YTHDF1: variants seen among roughly 807,000 people sequenced by gnomAD.
YTHDF1 encodes the protein YTH domain-containing family protein 1.
A neutral mutation model predicts 49.1 loss-of-function variants in YTHDF1; 16 were observed. That is an observed-to-expected ratio of 0.33 (90% CI 0.22 to 0.49). The LOEUF (loss-of-function observed/expected upper bound fraction) is 0.49. Ranked by LOEUF, YTHDF1 falls within the 20% of genes least tolerant of loss-of-function variation. The probability of loss-of-function intolerance (pLI) is 0.99; values close to 1 mark genes in which losing one functional copy is unlikely to be tolerated. For missense variants in YTHDF1, 621 were observed against 744.3 expected (o/e 0.83, Z 1.93); for synonymous variants, 313 against 290.1 (o/e 1.08, Z -0.80).
intron 3 of YTHDF1, among the ~76,000 whole-genome samples, chr20:63,211,958 A>AAC (rs2066576267): frequency 2.3e-5 from 2 of 88,412 alleles, no homozygotes; most frequent in South Asian, 4.1e-4. Context: ...CTGTCTCCAA[A>AAC]ATACACACAC....
At chr20:63,199,525 A>C (rs1022877596) in intron 4 of YTHDF1, among the ~76,000 whole-genome samples, 7 of 151,846 alleles carry the variant, frequency 4.6e-5, no homozygotes, top group Non-Finnish European at 7.4e-5. Context: ...TCTTAAAAAA[A>C]AAAAAAACAA....
Position 63,213,760 on chromosome 20 carries a change from C to A in YTHDF1, c.132+104G>T. 4 of 1,042,098 alleles carry A rather than the reference C, an allele frequency of 3.8e-6. No homozygotes were observed. In the South Asian group the frequency reaches 4.7e-5, roughly 12 times the overall value. The allele number at this position is 1,042,098 out of a possible 1,614,324, so 64.6% of individuals were successfully genotyped here. A position where few individuals can be genotyped will look rare whatever the true frequency, so the allele number is the denominator to read the frequency against. On this transcript the variant is annotated intron_variant, in intron 3 of 4. Transcript: ENST00000370339. ...ATCATTCCTAATACTTTATAGTCTG[C>A]TGCTTTGTTGTTTAGGATAATTTAA...
rs1426986754 is a variant in YTHDF1, at chr20:63,203,211, T to C, written c.729A>G (p.Lys243=). 2 of 1,614,008 alleles carry C rather than the reference T, an allele frequency of 1.2e-6. No individual in the cohort carries two copies. The highest frequency in any genetic ancestry group is 1.7e-6 in the Non-Finnish European group (2 of 1,180,036). ...SWAAIASKPA[K]PQPKMKTKSG... is the part of the protein sequence containing the mutation. ...TCTTTGTTTTCATTTTAGGCTGTGG[T>C]TTTGCAGGCTTGCTGGCAATGGCAG... The change falls in exon 4 of 5, where the codon AAA becomes AAG. Residue 243 remains lysine, a synonymous_variant. Transcript: ENST00000370339. The surrounding 1 kb of genome is among the most constrained non-coding windows in gnomAD (Gnocchi z 4.4).
chr20:63,215,283 C>T (rs910381103), intron 2 of YTHDF1, among the ~76,000 whole-genome samples: 8 of 152,196 alleles, frequency 5.3e-5, no homozygotes, highest in East Asian at 1.9e-4. Context: ...TCGCTCAACC[C>T]CTGCGGCCAT....
intron 3 of YTHDF1, among the ~76,000 whole-genome samples, chr20:63,207,587 A>C (rs1360251386): frequency 6.6e-6 from 1 of 152,132 alleles, no homozygotes; most frequent in African/African-American, 2.4e-5. Flanking sequence ...TTTTAAGGAC[A>C]ATACAAGCAA....
intron 3 of YTHDF1, among the ~76,000 whole-genome samples, chr20:63,204,117 C>T (rs2066533458): frequency 6.6e-6 from 1 of 152,214 alleles, no homozygotes; most frequent in Non-Finnish European, 1.5e-5. Flanking sequence ...CTCTTACCTG[C>T]AAAGGAATCC....
At chr20:63,198,755 C>G (rs1568989910) in intron 4 of YTHDF1, among the ~76,000 whole-genome samples, 1 of 152,254 alleles carries the variant, frequency 6.6e-6, no homozygotes, top group East Asian at 1.9e-4. Flanking sequence ...GTCAAAGAGC[C>G]ACTCTGCTGA....
Position 63,196,476 on chromosome 20 carries a change from A to G in YTHDF1, c.*232T>C. 1 of 444,606 alleles carries G rather than the reference A, an allele frequency of 2.2e-6. No homozygotes were observed. Among genetic ancestry groups the G allele is most frequent in the Non-Finnish European group, 4.0e-6 (1 of 248,840 alleles). The allele number at this position is 444,606 out of a possible 1,614,324, so 27.5% of individuals were successfully genotyped here. A position where few individuals can be genotyped will look rare whatever the true frequency, so the allele number is the denominator to read the frequency against. On this transcript the variant is annotated 3_prime_UTR_variant, in exon 5 of 5. Transcript: ENST00000370339. Reference sequence around the variant, plus strand: ...TTACATTTCACATTAGATCAGTCTGATTGATAAGCTGACAAAAAAAATACT... The same window carrying G: ...TTACATTTCACATTAGATCAGTCTGGTTGATAAGCTGACAAAAAAAATACT...
At chr20:63,197,434 T>C (rs2066497123) in intron 4 of YTHDF1, among the ~76,000 whole-genome samples, 1 of 152,206 alleles carries the variant, frequency 6.6e-6, no homozygotes, top group Non-Finnish European at 1.5e-5. Flanking sequence ...AGAGTGTATG[T>C]GACACACAAG....
intron 2 of YTHDF1, chr20:63,214,260 G>T: frequency 2.5e-6 from 1 of 395,956 alleles, no homozygotes; most frequent in East Asian, 1.6e-4. Context: ...GAAGACTTAT[G>T]TGTGGCAAAA....
intron 3 of YTHDF1, among the ~76,000 whole-genome samples, chr20:63,205,647 T>C (rs1436222419): frequency 6.6e-6 from 1 of 152,086 alleles, no homozygotes; most frequent in Non-Finnish European, 1.5e-5. Context: ...TAGCTGGGAT[T>C]ACAGACACCC....
chr20:63,202,614 C>G lies in YTHDF1; in HGVS notation c.1326G>C (p.Gly442=), dbSNP rs1419542415. ...GPVYLLFSVN[G]SGHFCGVAEM... ...CGGCCACCCCACAAAAATGCCCACT[C>G]CCATTGACGCTGAAGAGCAGGTAGA... The change falls in exon 4 of 5, where the codon GGG becomes GGC. Residue 442 remains glycine, a synonymous_variant. Transcript: ENST00000370339. 1 of 1,614,044 alleles carries G rather than the reference C, an allele frequency of 6.2e-7. No individual in the cohort carries two copies. The highest frequency in any genetic ancestry group is 8.5e-7 in the Non-Finnish European group (1 of 1,180,044).
Position 63,202,692 on chromosome 20 carries a change from G to A in YTHDF1, c.1248C>T (p.His416=), listed in dbSNP as rs768140726. 1.6e-5 allele frequency: 26 copies of A among 1,613,934 alleles called. No homozygotes were observed. The highest frequency in any genetic ancestry group is 6.7e-5 in the African/African-American group (5 of 74,946). Residue 416 remains histidine, a synonymous_variant, in exon 4 of 5, where the codon CAC becomes CAT. Coordinates refer to ENST00000370339, the MANE Select transcript of YTHDF1 (RefSeq NM_017798.4). ...IKYSIWCSTE[H]GNKRLDSAFR... The stretch of plus-strand genomic sequence containing the variant: ...AGGCGCTGTCCAGGCGCTTGTTGCC[G>A]TGCTCTGTGCTACACCAGATGGAGT...
chr20:63,215,143 C>G (rs1486891717), intron 2 of YTHDF1, among the ~76,000 whole-genome samples: 1 of 152,208 alleles, frequency 6.6e-6, no homozygotes, highest in Admixed American at 6.5e-5. Context: ...TTATCCCAAG[C>G]CATAATGTCA....
Position 63,203,195 on chromosome 20 carries a change from T to C in YTHDF1, c.745A>G (p.Lys249Glu), listed in dbSNP as rs1467483421. The change falls in exon 4 of 5, where the codon AAA becomes GAA. Residue 249 changes from lysine (K) to glutamate (E), a missense_variant. Coordinates refer to ENST00000370339, the MANE Select transcript of YTHDF1 (RefSeq NM_017798.4). The surrounding 1 kb of genome is among the most constrained non-coding windows in gnomAD (Gnocchi z 4.4). ...SKPAKPQPKMKTKSGPVMGGG... is the reference protein window; with the variant it reads ...SKPAKPQPKMETKSGPVMGGG... ...CCCATGACAGGCCCGCTCTTTGTTT[T>C]CATTTTAGGCTGTGGTTTTGCAGGC... is the stretch of plus-strand genomic sequence containing the variant. The C allele has an allele frequency of 1.2e-6, 2 of 1,613,836 alleles. No homozygotes were observed. Among genetic ancestry groups the C allele is most frequent in the African/African-American group, 2.7e-5 (2 of 74,930 alleles).
chr20:63,206,175 C>T (rs916106567), intron 3 of YTHDF1, among the ~76,000 whole-genome samples: 1 of 152,232 alleles, frequency 6.6e-6, no homozygotes, highest in African/African-American at 2.4e-5. Flanking sequence ...TGCTCCTCAG[C>T]AGCGCTGCAA....
chr20:63,205,516 C>CCT (rs532436438), intron 3 of YTHDF1, among the ~76,000 whole-genome samples: 15 of 148,834 alleles, frequency 1.0e-4, no homozygotes, highest in South Asian at 2.1e-4. Context: ...GAACCCCCCC[C>CCT]TTTTTTTTTT....
At chr20:63,201,484 T>C (rs540276017) in intron 4 of YTHDF1, among the ~76,000 whole-genome samples, 2 of 152,292 alleles carry the variant, frequency 1.3e-5, no homozygotes, top group African/African-American at 4.8e-5. Flanking sequence ...CTGGTGCCAG[T>C]TTACGGGCAT....
chr20:63,210,976 G>C (rs2066571229), intron 3 of YTHDF1, among the ~76,000 whole-genome samples: 2 of 152,182 alleles, frequency 1.3e-5, no homozygotes, highest in South Asian at 4.1e-4. Context: ...CAGCAAGGCG[G>C]GTGAGGCCTC....
Sources: allele counts gnomAD v4.1 joint callset (sites outside exome capture counted in the v4.1 genomes callset), GRCh38; gene constraint gnomAD v4.1.1; non-coding constraint Gnocchi (gnomAD v3.1); transcripts MANE v1.5; gene names NCBI Gene and HGNC (gene_info 2026-07-23, HGNC 2026-07-21).